Variants in CCT3 observed in about 807,000 individuals in gnomAD.
CCT3 encodes the protein chaperonin containing TCP1 subunit 3, also known as T-complex protein 1 subunit gamma.
Under a neutral mutation model 65.3 loss-of-function variants are expected in CCT3, and 10 were observed. The observed-to-expected ratio is 0.15, with a 90% confidence interval of 0.09 to 0.26. The LOEUF is 0.26. Ranked by LOEUF, CCT3 falls within the 10% of genes least tolerant of loss-of-function variation. The probability of loss-of-function intolerance (pLI) is 1.00; values close to 1 mark genes in which losing one functional copy is unlikely to be tolerated. For synonymous variants in CCT3, 225 were observed against 242.3 expected (o/e 0.93, Z 0.66); for missense variants, 626 against 708.7 (o/e 0.88, Z 1.33).
intron 7 of CCT3, 96 bp downstream of exon 7, chr1:156,320,743 C>G: frequency 1.0e-6 from 1 of 975,242 alleles, no homozygotes; most frequent in Non-Finnish European, 1.6e-6. Context: ...AAAAACAAAA[C>G]AAAACAACGG....
chr1:156,319,070 T>C (rs540703917), intron 7 of CCT3, 53 bp from the exon 8 acceptor site: 16 of 1,510,010 alleles, frequency 1.1e-5, no homozygotes, highest in Middle Eastern at 1.8e-4. Flanking sequence ...AATTTCTTAA[T>C]TTCCTTCCCA....
Position 156,309,199 on chromosome 1 carries a change from T to G in CCT3, c.1638A>C (p.Ter546CysextTer54). The change falls in exon 14 of 14, where the codon TGA (stop) becomes TGC (cysteine). Residue 546 changes from the stop codon to cysteine (C), a stop_lost. Coordinates refer to ENST00000295688, the MANE Select transcript of CCT3 (RefSeq NM_005998.5). ...QGGAPDAGQE[*>C] is the part of the protein sequence containing the mutation. Reference sequence around the variant, plus strand: ...GCATTGAAGTAGCCTTGCCTAGCACTCACTCCTGGCCAGCATCAGGAGCCC... The same window carrying G: ...GCATTGAAGTAGCCTTGCCTAGCACGCACTCCTGGCCAGCATCAGGAGCCC... The G allele has an allele frequency of 1.2e-6, 2 of 1,602,566 alleles. No homozygotes were observed. Among genetic ancestry groups the G allele is most frequent in the Non-Finnish European group, 1.7e-6 (2 of 1,169,520 alleles).
At chr1:156,336,973 A>G (rs1043313030) in intron 1 of CCT3, 4 of 586,210 alleles carry the variant, frequency 6.8e-6, no homozygotes, top group Non-Finnish European at 9.7e-6. Context: ...ATAATGAATA[A>G]TAACTCTGAA....
intron 13 of CCT3, 111 bp from the exon 14 acceptor site, chr1:156,309,414 ATCTACCTTT>A (rs1046503150): frequency 6.7e-6 from 5 of 744,120 alleles, no homozygotes; most frequent in Non-Finnish European, 1.2e-5. Context: ...TTTGTCTGAA[ATCTACCTTT>A]TCAGTCTTTT....
chr1:156,335,162 C>T (rs928050092), intron 2 of CCT3: 13 of 458,938 alleles, frequency 2.8e-5, no homozygotes, highest in African/African-American at 1.2e-4. Context: ...TGAGCCATTC[C>T]GCCCAGCCAG....
At chr1:156,325,374 A>C (rs1218667483) in intron 5 of CCT3, among the ~76,000 whole-genome samples, 1 of 152,062 alleles carries the variant, frequency 6.6e-6, no homozygotes, top group Non-Finnish European at 1.5e-5. Context: ...AAAAAATTTA[A>C]AATTTAGCTT....
chr1:156,337,882 G>C (rs1665509566), intron 1 of CCT3: 2 of 528,366 alleles, frequency 3.8e-6, no homozygotes, highest in African/African-American at 1.9e-5. Context: ...CGTGGGGGCT[G>C]AGGGACAGAA....
At chr1:156,316,968 G>A (rs562848461) in intron 10 of CCT3, among the ~76,000 whole-genome samples, 198 bp downstream of exon 10, 1 of 152,288 alleles carries the variant, frequency 6.6e-6, no homozygotes, top group East Asian at 1.9e-4. Context: ...TAATGGTTAG[G>A]GGCAGTACAG....
chr1:156,309,062 G>A lies in CCT3; in HGVS notation c.*137C>T, dbSNP rs1280543143. 9 of 645,382 alleles carry A rather than the reference G, an allele frequency of 1.4e-5. No individual in the cohort carries two copies. The highest frequency in any genetic ancestry group is 2.5e-5 in the Non-Finnish European group (9 of 359,920). 40.0% of individuals were successfully genotyped at this position (645,382 alleles called of 1,614,324 possible). On this transcript the variant is annotated 3_prime_UTR_variant, in exon 14 of 14. Transcript: ENST00000295688. ...TCAGTGTCTTTTGGAAAACTGAGCT[G>A]GGACAGAAAGGGACTGGGGGCTGCC...
intron 1 of CCT3, chr1:156,337,270 T>A (rs1271502035): frequency 6.0e-6 from 2 of 335,574 alleles, no homozygotes; most frequent in Non-Finnish European, 1.1e-5. Context: ...TAGCCGTGCG[T>A]GGTGGCGCGC....
intron 5 of CCT3, among the ~76,000 whole-genome samples, chr1:156,329,595 G>T (rs372603510): frequency 6.7e-6 from 1 of 149,824 alleles, no homozygotes; most frequent in South Asian, 2.3e-4. Context: ...GTAAGCCACC[G>T]CGCCCAGCCC....
intron 8 of CCT3, 100 bp downstream of exon 8, chr1:156,318,768 C>G: frequency 8.9e-7 from 1 of 1,127,070 alleles, no homozygotes; most frequent in Non-Finnish European, 1.3e-6. Flanking sequence ...GTACACTATG[C>G]ACCCAGAAGG....
chr1:156,334,756 C>G lies in CCT3; in HGVS notation c.164G>C (p.Gly55Ala). The G allele has an allele frequency of 6.2e-7, 1 of 1,614,072 alleles. No individual in the cohort carries two copies. Among genetic ancestry groups the G allele is most frequent in the Non-Finnish European group, 8.5e-7 (1 of 1,179,988 alleles). The change falls in exon 4 of 14, where the codon GGA becomes GCA. Residue 55 changes from glycine (G) to alanine (A), a missense_variant. Transcript: ENST00000295688. Reference protein sequence around the residue: ...SMMKMLLDPMGGIVMTNDGNA... With the variant: ...SMMKMLLDPMAGIVMTNDGNA... The stretch of plus-strand genomic sequence containing the variant: ...GCCATCATTGGTCATCACAATGCCT[C>G]CCATTGGGTCCAAAAGCATCTAAGA...
chr1:156,316,127 T>A (rs1664302447), intron 10 of CCT3, among the ~76,000 whole-genome samples: 1 of 151,768 alleles, frequency 6.6e-6, no homozygotes, highest in African/African-American at 2.4e-5. Context: ...GGTGGGGGGA[T>A]GGACAATAAT....
chr1:156,333,268 G>A (rs1272958277), intron 5 of CCT3: 3 of 331,104 alleles, frequency 9.1e-6, no homozygotes, highest in Non-Finnish European at 1.7e-5. Context: ...ACTCCAGCAT[G>A]GTGACAGAGT....
In CCT3 at chr1:156,311,042, A is replaced by G; in HGVS notation, c.1309T>C (p.Tyr437His). 1.2e-6 allele frequency: 2 copies of G among 1,614,078 alleles called. No homozygotes were observed. The highest frequency in any genetic ancestry group is 1.7e-6 in the Non-Finnish European group (2 of 1,180,016). The stretch of plus-strand genomic sequence containing the variant: ...TCTAGGGCCTGGGCAACAGCCCTGT[A>G]TGGCCATTGTTCCACACCAGTCATG... ...KAMTGVEQWP[Y>H]RAVAQALEVI... is the part of the protein sequence containing the mutation. The change falls in exon 12 of 14, where the codon TAC (tyrosine) becomes CAC (histidine). Residue 437 changes from tyrosine to histidine, a missense_variant. Coordinates refer to ENST00000295688, the MANE Select transcript of CCT3 (RefSeq NM_005998.5).
chr1:156,327,985 G>A (rs1664909029), intron 5 of CCT3, among the ~76,000 whole-genome samples: 1 of 143,796 alleles, frequency 7.0e-6, no homozygotes, highest in Non-Finnish European at 1.5e-5. Flanking sequence ...CAACCGCCCT[G>A]TCTGAGAAGT....
At chr1:156,325,397 T>C (rs1664756277) in intron 5 of CCT3, among the ~76,000 whole-genome samples, 1 of 152,056 alleles carries the variant, frequency 6.6e-6, no homozygotes, top group Non-Finnish European at 1.5e-5. Flanking sequence ...TGTGGTGGTA[T>C]GAGCCTGCAG....
At chr1:156,313,363 AGAGAG>A (rs1393619837) in intron 10 of CCT3, among the ~76,000 whole-genome samples, 4 of 101,604 alleles carry the variant, frequency 3.9e-5, no homozygotes, top group African/African-American at 1.6e-4. Context: ...AAAAAAAAAA[AGAGAG>A]AGAGAGAGAG....
Sources: allele counts gnomAD v4.1 joint callset (sites outside exome capture counted in the v4.1 genomes callset), GRCh38; gene constraint gnomAD v4.1.1; transcripts MANE v1.5; gene names NCBI Gene and HGNC (gene_info 2026-07-23, HGNC 2026-07-21).